The following CNST variants were observed in gnomAD, a reference collection of about 807,000 sequenced individuals.
CNST encodes consortin, connexin sorting protein.
CNST carries 39 observed loss-of-function variants against 72.4 expected under a neutral mutation model. The ratio of observed to expected loss-of-function variants is 0.54; its 90% confidence interval spans 0.42 to 0.70. CNST has a LOEUF of 0.70. CNST is among the 30% of genes least tolerant of loss of function. CNST has a pLI of 0.00. For synonymous variants in CNST, 332 were observed against 320.1 expected (o/e 1.04, Z -0.40); for missense variants, 871 against 868.5 (o/e 1.00, Z -0.04).
At chr1:246,617,621 A>G (rs1017484017) in intron 2 of CNST, among the ~76,000 whole-genome samples, 2 of 152,236 alleles carry the variant, frequency 1.3e-5, no homozygotes, top group African/African-American at 4.8e-5. Context: ...TTAACTTGCC[A>G]AAAGTATGGC....
At chr1:246,567,891 C>G (rs1659820838) in intron 1 of CNST, among the ~76,000 whole-genome samples, 1 of 152,142 alleles carries the variant, frequency 6.6e-6, no homozygotes, top group Non-Finnish European at 1.5e-5. Flanking sequence ...CAGAAATACA[C>G]TTTTTTCCCC....
At chr1:246,595,356 T>C (rs1661810181) in intron 2 of CNST, among the ~76,000 whole-genome samples, 1 of 152,224 alleles carries the variant, frequency 6.6e-6, no homozygotes, top group African/African-American at 2.4e-5. Context: ...TCACCCGGTC[T>C]GAGTAATGTT....
chr1:246,664,711 C>T lies in CNST; in HGVS notation c.1973-989C>T, dbSNP rs1034560138. ...AAAGTGCTGGGATTACAGGCGTGAGCCACCACACCCAGCCTTAACACTGTC... is the reference window on the plus strand; with the variant it reads ...AAAGTGCTGGGATTACAGGCGTGAGTCACCACACCCAGCCTTAACACTGTC... On this transcript the variant is annotated intron_variant, in intron 10 of 10. Coordinates refer to ENST00000366513, the MANE Select transcript of CNST (RefSeq NM_152609.3). Among the ~76,000 whole-genome samples, 5 of 152,280 alleles carry T rather than the reference C, an allele frequency of 3.3e-5. No homozygotes were observed. The South Asian group carries it at 6.2e-4, about 19-fold the overall frequency.
At chr1:246,608,081 AAAAAC>A (rs1473874645) in intron 2 of CNST, 2 of 152,232 alleles carry the variant, frequency 1.3e-5, no homozygotes, top group Non-Finnish European at 2.9e-5. Context: ...CTCCGTCTCA[AAAAAC>A]AAAACAACAA....
chr1:246,628,564 C>G (rs538926500), intron 3 of CNST, among the ~76,000 whole-genome samples: 1 of 152,138 alleles, frequency 6.6e-6, no homozygotes, highest in Non-Finnish European at 1.5e-5. Context: ...TTTACACTGA[C>G]TTAGTTAATA....
At chr1:246,620,976 G>A (rs928167666) in intron 2 of CNST, among the ~76,000 whole-genome samples, 1 of 152,236 alleles carries the variant, frequency 6.6e-6, no homozygotes, top group Admixed American at 6.5e-5. Context: ...TCTAGCTAAA[G>A]GTATGCACAT....
At chr1:246,605,761 CCGGGG>C (rs1359127559) in intron 2 of CNST, 1 of 115,664 alleles carries the variant, frequency 8.6e-6, no homozygotes, top group African/African-American at 3.1e-5. Context: ...TGTCTTCCGG[CCGGGG>C]TAGGTGTCTT....
rs191612578 is a variant in CNST at position 246,653,552 on chromosome 1, G to C, written c.1836+5515G>C. Among the ~76,000 whole-genome samples, 865 of 152,260 alleles carry C rather than the reference G, an allele frequency of 5.7e-3. 5 individuals carry two copies. The highest frequency in any genetic ancestry group is 7.4e-3 in the Non-Finnish European group (506 of 68,012). ...GTAAGAGGTTTTAGAAACAATGGTT[G>C]GCCCAGAATTTATGTAGATATCTAA... On this transcript the variant is annotated intron_variant, in intron 9 of 10. Coordinates refer to ENST00000366513, the MANE Select transcript of CNST (RefSeq NM_152609.3).
At position 246,591,590 on chromosome 1, in the gene CNST, TATC is replaced by T. The variant is rs1661546464; in HGVS notation, c.29_31del (p.Tyr10del). On this transcript the variant is annotated inframe_deletion, in exon 2 of 11. Transcript: ENST00000366513. ...GGATGACAGCGATACTCCTACATAT[TATC>T]TGCAAATAGAACCACAAGATGGATG... 6.2e-7 allele frequency: 1 copy of T among 1,614,092 alleles called. No individual in the cohort carries two copies. The highest frequency in any genetic ancestry group is 1.7e-5 in the Admixed American group (1 of 60,010).
At chr1:246,594,290 C>T (rs1365632153) in intron 2 of CNST, among the ~76,000 whole-genome samples, 2 of 152,158 alleles carry the variant, frequency 1.3e-5, no homozygotes, top group Admixed American at 6.5e-5. Context: ...CCTGGGACTA[C>T]AGGTATACAC....
Position 246,591,644 on chromosome 1 carries a change from A to G in CNST, c.82A>G (p.Ser28Gly), listed in dbSNP as rs1238116146. The G allele has an allele frequency of 6.2e-7, 1 of 1,614,222 alleles. No homozygotes were observed. The change falls in exon 2 of 11, where the codon AGT (serine) becomes GGT (glycine). Residue 28 changes from serine to glycine, a missense_variant. By Grantham distance (56) the Ser-to-Gly change is moderately conservative (BLOSUM62 0). Coordinates refer to ENST00000366513, the MANE Select transcript of CNST (RefSeq NM_152609.3). ...GCHPGDSVER[S>G]VTCLPSASDE... ...TCATCCTGGTGACAGCGTGGAAAGG[A>G]GTGTGACCTGTCTGCCTTCTGCATC...
At chr1:246,636,257 G>A (rs1481342474) in intron 6 of CNST, among the ~76,000 whole-genome samples, 2 of 152,118 alleles carry the variant, frequency 1.3e-5, no homozygotes, top group Non-Finnish European at 1.5e-5. Flanking sequence ...CCTGCGGCAC[G>A]ATGGGTTTTA....
At chr1:246,610,982 A>G (rs564505579) in intron 2 of CNST, among the ~76,000 whole-genome samples, 19 of 152,204 alleles carry the variant, frequency 1.2e-4, no homozygotes, top group Non-Finnish European at 2.1e-4. Context: ...TCACCTGACA[A>G]TATTTTCCAG....
intron 1 of CNST, among the ~76,000 whole-genome samples, chr1:246,590,648 G>GT (rs11387489): frequency 1 from 152,174 of 152,190 alleles, 76,079 homozygotes; most frequent in Middle Eastern, 1. Context: ...TCTCACTGAG[G>GT]TTTTTTTCCA....
intron 6 of CNST, among the ~76,000 whole-genome samples, chr1:246,634,833 T>C (rs1207995695): frequency 6.6e-6 from 1 of 152,190 alleles, no homozygotes; most frequent in Non-Finnish European, 1.5e-5. Context: ...AGGCCTAAAA[T>C]GGCGTCAGCG....
rs1666222081 is a variant in CNST at position 246,648,003 on chromosome 1, T to C, written c.1802T>C (p.Leu601Pro). The C allele has an allele frequency of 6.2e-7, 1 of 1,612,588 alleles. No homozygotes were observed. Among genetic ancestry groups the C allele is most frequent in the Admixed American group, 1.7e-5 (1 of 59,756 alleles). Residue 601 changes from leucine to proline, a missense_variant, in exon 9 of 11, where the codon CTT (leucine) becomes CCT (proline). Coordinates refer to ENST00000366513, the MANE Select transcript of CNST (RefSeq NM_152609.3). ...NLPSDESCLS[L>P]DDLAKRIEIA... ...CCTTCTGATGAGAGCTGTCTTTCTC[T>C]TGATGATCTTGCCAAAAGGATAGAG... is the stretch of plus-strand genomic sequence containing the variant.
intron 2 of CNST, among the ~76,000 whole-genome samples, chr1:246,620,984 C>T (rs1031572488): frequency 2.6e-5 from 4 of 152,202 alleles, no homozygotes; most frequent in Admixed American, 2.6e-4. Flanking sequence ...AAGGTATGCA[C>T]ATAGGCAGAT....
chr1:246,597,575 T>C (rs999970894), intron 2 of CNST, among the ~76,000 whole-genome samples: 1 of 152,198 alleles, frequency 6.6e-6, no homozygotes, highest in African/African-American at 2.4e-5. Context: ...AGGCAGCACA[T>C]GGAAACTGGG....
chr1:246,567,573 C>G (rs942201102), intron 1 of CNST, among the ~76,000 whole-genome samples: 14 of 152,098 alleles, frequency 9.2e-5, no homozygotes, highest in African/African-American at 3.4e-4. Context: ...GGAAAAGGTT[C>G]CTAAGGAATG....
Sources: allele counts gnomAD v4.1 joint callset (sites outside exome capture counted in the v4.1 genomes callset), GRCh38; gene constraint gnomAD v4.1.1; transcripts MANE v1.5; gene names NCBI Gene and HGNC (gene_info 2026-07-23, HGNC 2026-07-21).